ASXL1: variants seen among roughly 807,000 people sequenced by gnomAD.
ASXL1 encodes the protein polycomb group protein ASXL1.
Under a neutral mutation model 89.1 loss-of-function variants are expected in ASXL1, and 65 were observed. That is an observed-to-expected ratio of 0.73 (90% CI 0.60 to 0.90). The LOEUF (loss-of-function observed/expected upper bound fraction) is 0.90. Among genes scored for constraint, ASXL1 ranks in the 40% least tolerant of loss-of-function variants. The pLI is 0.00. For missense variants in ASXL1, 1,786 were observed against 1,942.9 expected, an observed-to-expected ratio of 0.92 and a Z score of 1.52; for synonymous variants, 739 against 746.9, an observed-to-expected ratio of 0.99 and a Z score of 0.17.
intron 1 of ASXL1, chr20:32,360,479 A>G (rs1220194202): frequency 2.0e-5 from 3 of 152,330 alleles, no homozygotes; most frequent in Admixed American, 6.5e-5. Flanking sequence ...CTCCTCGACA[A>G]TGAGTTTTGT....
intron 4 of ASXL1, among the ~76,000 whole-genome samples, chr20:32,381,852 C>T (rs940321496): frequency 6.6e-6 from 1 of 151,794 alleles, no homozygotes; most frequent in Non-Finnish European, 1.5e-5. Context: ...ATTCTTGTAT[C>T]TCACCTTGCT....
At chr20:32,423,177 A>T (rs1242863219) in intron 4 of ASXL1, among the ~76,000 whole-genome samples, 1 of 152,128 alleles carries the variant, frequency 6.6e-6, no homozygotes, top group Non-Finnish European at 1.5e-5. Flanking sequence ...GTAACCTAGC[A>T]CTTAGGGAGG....
chr20:32,426,591 T>C (rs13039495), intron 4 of ASXL1, among the ~76,000 whole-genome samples: 36,899 of 123,130 alleles, frequency 0.3, 6,980 homozygotes, highest in East Asian at 0.71. Flanking sequence ...GATGGAGTCT[T>C]GCTCTGTCGC....
chr20:32,389,554 C>T (rs559362468), intron 4 of ASXL1, among the ~76,000 whole-genome samples: 30 of 152,078 alleles, frequency 2.0e-4, no homozygotes, highest in Admixed American at 5.9e-4. Flanking sequence ...GCATAATTTA[C>T]GTACAGTAAA....
At chr20:32,403,312 G>T (rs1467154619) in intron 4 of ASXL1, among the ~76,000 whole-genome samples, 3 of 152,188 alleles carry the variant, frequency 2.0e-5, no homozygotes, top group Non-Finnish European at 4.4e-5. Flanking sequence ...TAGCTGTATA[G>T]TAAGTCCTAA....
chr20:32,433,030 G>A (rs773593691), intron 11 of ASXL1, 45 bp downstream of exon 11: 2 of 1,607,556 alleles, frequency 1.2e-6, no homozygotes, highest in East Asian at 4.5e-5. Context: ...GTTTTGAGGG[G>A]ATAGAGGTAG....
chr20:32,417,568 A>G (rs909443069), intron 4 of ASXL1, among the ~76,000 whole-genome samples: 17 of 152,176 alleles, frequency 1.1e-4, no homozygotes, highest in African/African-American at 3.9e-4. Flanking sequence ...TCAAGCATGT[A>G]TGGAGATTGC....
Position 32,435,717 on chromosome 20 carries a change from C to T in ASXL1, c.3005C>T (p.Ala1002Val). The T allele has an allele frequency of 6.2e-7, 1 of 1,614,198 alleles. No homozygotes were observed. Among genetic ancestry groups the T allele is most frequent in the Non-Finnish European group, 8.5e-7 (1 of 1,180,020 alleles). Residue 1002 changes from alanine (A) to valine (V), a missense_variant, in exon 13 of 13, where the codon GCC becomes GTC. By Grantham distance (64) the Ala-to-Val change is moderately conservative (BLOSUM62 0). Around this residue, in one of 3 missense-constraint regions of ASXL1, gnomAD observed 1,418 missense variants for 1,427.8 expected, o/e 0.99. Coordinates refer to ENST00000375687, the MANE Select transcript of ASXL1 (RefSeq NM_015338.6). ...LSPHGESTDT[A>V]SDFEGHLTED... is the part of the protein sequence containing the mutation. ...CCTCACGGTGAGTCCACGGATACAG[C>T]CTCTGACTTTGAAGGTCACCTCACG...
chr20:32,403,573 C>G (rs2123066868), intron 4 of ASXL1, among the ~76,000 whole-genome samples: 1 of 152,078 alleles, frequency 6.6e-6, no homozygotes, highest in Admixed American at 6.6e-5. Context: ...CACCACCACT[C>G]CCAGCTAATT....
intron 4 of ASXL1, among the ~76,000 whole-genome samples, chr20:32,378,158 T>TTGTATGTGTGTGTG (rs2048421153): frequency 7.7e-6 from 1 of 130,226 alleles, no homozygotes; most frequent in African/African-American, 3.1e-5. Flanking sequence ...GCTGAGTAAT[T>TTGTATGTGTGTGTG]TGTGTGTGTG....
chr20:32,368,949 G>A lies in ASXL1; in HGVS notation c.144-66G>A, dbSNP rs578003430. ...TCTTCTCATTTAAGAATGAGTTGGAGGGATTAGGTCTTTAAGTAGGCAGAT... is the reference window on the plus strand; with the variant it reads ...TCTTCTCATTTAAGAATGAGTTGGAAGGATTAGGTCTTTAAGTAGGCAGAT... On this transcript the variant is annotated intron_variant, in intron 3 of 12. Transcript: ENST00000375687. 65 of 1,333,712 alleles carry A rather than the reference G, an allele frequency of 4.9e-5. No individual in the cohort carries two copies. The East Asian group carries it at 1.4e-3, about 29-fold the overall frequency. The allele number at this position is 1,333,712 out of a possible 1,614,324, so 82.6% of individuals were successfully genotyped here.
intron 4 of ASXL1, among the ~76,000 whole-genome samples, chr20:32,385,280 A>G (rs1360232631): frequency 6.6e-6 from 1 of 152,200 alleles, no homozygotes; most frequent in Admixed American, 6.5e-5. Flanking sequence ...TGGTTCAGAG[A>G]TTTGTTTTTA....
At chr20:32,405,916 T>A (rs2048946564) in intron 4 of ASXL1, among the ~76,000 whole-genome samples, 1 of 152,120 alleles carries the variant, frequency 6.6e-6, no homozygotes, top group Non-Finnish European at 1.5e-5. Context: ...CACCCCTTTT[T>A]TTTTGAGATG....
intron 4 of ASXL1, among the ~76,000 whole-genome samples, chr20:32,401,061 C>T (rs1282291614): frequency 6.6e-6 from 1 of 152,132 alleles, no homozygotes; most frequent in Non-Finnish European, 1.5e-5. Flanking sequence ...AGGTGTCTTT[C>T]ACCCACTTCC....
chr20:32,372,730 G>C (rs1468533510), intron 4 of ASXL1, among the ~76,000 whole-genome samples: 1 of 151,792 alleles, frequency 6.6e-6, no homozygotes, highest in East Asian at 1.9e-4. Flanking sequence ...GAGTAGCTAG[G>C]ACTACAGGCG....
intron 4 of ASXL1, among the ~76,000 whole-genome samples, chr20:32,373,615 C>G (rs2048334377): frequency 6.6e-6 from 1 of 151,960 alleles, no homozygotes; most frequent in South Asian, 2.1e-4. Flanking sequence ...GCCTGTAATC[C>G]CAGCACTTTG....
At chr20:32,381,319 C>T (rs1406807743) in intron 4 of ASXL1, among the ~76,000 whole-genome samples, 2 of 152,092 alleles carry the variant, frequency 1.3e-5, no homozygotes, top group African/African-American at 4.8e-5. Context: ...ATCCTCCCAC[C>T]TCAGCCTCCT....
intron 4 of ASXL1, among the ~76,000 whole-genome samples, chr20:32,400,559 A>G (rs539972186): frequency 7.2e-5 from 11 of 152,284 alleles, no homozygotes; most frequent in Non-Finnish European, 1.2e-4. Context: ...AGTACTGTTC[A>G]TAATTCTTTT....
At chr20:32,423,425 G>C (rs2011192143) in intron 4 of ASXL1, among the ~76,000 whole-genome samples, 1 of 151,628 alleles carries the variant, frequency 6.6e-6, no homozygotes, top group African/African-American at 2.4e-5. Context: ...ATATTTAGTA[G>C]GGGGGGTTTC....
Sources: allele counts gnomAD v4.1 joint callset (sites outside exome capture counted in the v4.1 genomes callset), GRCh38; gene constraint gnomAD v4.1.1; regional missense constraint gnomAD v4.1.1; transcripts MANE v1.5; gene names NCBI Gene and HGNC (gene_info 2026-07-23, HGNC 2026-07-21).